MARCO: variants seen among roughly 807,000 people sequenced by gnomAD.
MARCO encodes macrophage receptor MARCO.
Under a neutral mutation model 70.0 loss-of-function variants are expected in MARCO, and 72 were observed. The observed-to-expected ratio is 1.03, with a 90% CI of 0.85 to 1.25. MARCO has a LOEUF of 1.25. Among genes scored for constraint, MARCO ranks in the 50% most tolerant of loss-of-function variants. MARCO has a pLI of 0.00. For synonymous variants in MARCO, 273 were observed against 243.1 expected (o/e 1.12, Z -1.14); for missense variants, 696 against 659.3 (o/e 1.06, Z -0.61).
intron 1 of MARCO, among the ~76,000 whole-genome samples, chr2:118,968,367 A>G (rs1680095814): frequency 6.6e-6 from 1 of 152,244 alleles, no homozygotes; most frequent in Non-Finnish European, 1.5e-5. Context: ...ATCTCTCTCT[A>G]CAAAGAAAAC....
intron 1 of MARCO, among the ~76,000 whole-genome samples, chr2:118,953,399 A>C (rs1679765509): frequency 6.6e-6 from 1 of 152,230 alleles, no homozygotes; most frequent in Non-Finnish European, 1.5e-5. Context: ...TACTTTCTAC[A>C]TTTGGTGTGA....
chr2:118,947,143 A>G (rs760082098), intron 1 of MARCO, among the ~76,000 whole-genome samples: 3 of 152,172 alleles, frequency 2.0e-5, no homozygotes, highest in Non-Finnish European at 4.4e-5. Flanking sequence ...AGCATCTTTT[A>G]CAATGCAAAA....
intron 1 of MARCO, among the ~76,000 whole-genome samples, chr2:118,955,808 C>T (rs1679825957): frequency 6.6e-6 from 1 of 152,156 alleles, no homozygotes; most frequent in Non-Finnish European, 1.5e-5. Flanking sequence ...TCTGCCTCCT[C>T]AAGCAAAACA....
chr2:118,970,458 C>A, intron 3 of MARCO, 120 bp downstream of exon 3: 1 of 726,454 alleles, frequency 1.4e-6, no homozygotes, highest in South Asian at 1.7e-5. Flanking sequence ...GAGCCAGGGA[C>A]TTAGAGCAAC....
intron 3 of MARCO, among the ~76,000 whole-genome samples, chr2:118,971,236 T>C (rs187874075): frequency 6.6e-6 from 1 of 152,228 alleles, no homozygotes; most frequent in East Asian, 1.9e-4. Flanking sequence ...AGCAACCTCC[T>C]TTCCCCACCT....
intron 10 of MARCO, 34 bp from the exon 11 acceptor site, chr2:118,982,122 C>G (rs764257944): frequency 6.5e-7 from 1 of 1,538,308 alleles, no homozygotes; most frequent in Non-Finnish European, 8.9e-7. Context: ...CTCTGCCAAC[C>G]ACCACAGCCT....
intron 1 of MARCO, among the ~76,000 whole-genome samples, chr2:118,962,704 T>C (rs1050240924): frequency 6.6e-6 from 1 of 152,136 alleles, no homozygotes; most frequent in Non-Finnish European, 1.5e-5. Context: ...TCTTTAAATG[T>C]TTATTACGAT....
chr2:118,970,730 GCCAAGGGTTAAAACC>G (rs149435813), intron 3 of MARCO, among the ~76,000 whole-genome samples: 197 of 152,324 alleles, frequency 1.3e-3, no homozygotes, highest in African/African-American at 4.6e-3. Context: ...GGAAAATTGA[GCCAAGGGTTAAAACC>G]CCAAGGGTGC....
intron 12 of MARCO, among the ~76,000 whole-genome samples, chr2:118,986,637 GA>G (rs1558671527): frequency 2.3e-4 from 9 of 39,758 alleles, no homozygotes; most frequent in Admixed American, 7.6e-4. Context: ...AAGAAAGAAA[GA>G]AAGAAAGAAA....
At chr2:118,953,408 G>C (rs565111614) in intron 1 of MARCO, among the ~76,000 whole-genome samples, 1 of 152,214 alleles carries the variant, frequency 6.6e-6, no homozygotes, top group Admixed American at 6.5e-5. Flanking sequence ...CATTTGGTGT[G>C]ATTGTCAGTT....
intron 1 of MARCO, among the ~76,000 whole-genome samples, 177 bp downstream of exon 1, chr2:118,942,574 A>G (rs1378841199): frequency 6.6e-6 from 1 of 152,226 alleles, no homozygotes; most frequent in Non-Finnish European, 1.5e-5. Context: ...AATGCTAATA[A>G]TAGATGCTGT....
rs1373048571 is a variant in MARCO, at chr2:118,986,718, AAAGAAAAG to A, written c.1064-3868_1064-3861del. On this transcript the variant is annotated intron_variant, in intron 12 of 16. Coordinates refer to ENST00000327097, the MANE Select transcript of MARCO (RefSeq NM_006770.4). The stretch of plus-strand genomic sequence containing the variant: ...GAAAGAAAGAAAGAAAGAAAGAAAG[AAAGAAAAG>A]AAAGAAAGAAAGAGAAAGAAAGAGA... Among the ~76,000 whole-genome samples the A allele has an allele frequency of 4.3e-5, 5 of 117,450 alleles. 1 individual carries two copies. The highest frequency in any genetic ancestry group is 1.6e-4 in the Admixed American group (2 of 12,804). 77.1% of individuals were successfully genotyped at this position (117,450 alleles called of 152,430 possible).
chr2:118,960,299 T>C (rs758645483), intron 1 of MARCO, among the ~76,000 whole-genome samples: 1 of 152,122 alleles, frequency 6.6e-6, no homozygotes, highest in Non-Finnish European at 1.5e-5. Context: ...AGTGCTATGT[T>C]GAATAAGAAG....
intron 12 of MARCO, among the ~76,000 whole-genome samples, chr2:118,989,234 A>T (rs1311618558): frequency 6.6e-6 from 1 of 152,214 alleles, no homozygotes; most frequent in South Asian, 2.1e-4. Flanking sequence ...GAGGCATTCT[A>T]TTCAGAGGGA....
chr2:118,961,811 G>A (rs1479213933), intron 1 of MARCO, among the ~76,000 whole-genome samples: 1 of 152,104 alleles, frequency 6.6e-6, no homozygotes, highest in Non-Finnish European at 1.5e-5. Context: ...TGTCCTGAAT[G>A]GTATTGCCTA....
chr2:118,948,013 T>A (rs964076211), intron 1 of MARCO, among the ~76,000 whole-genome samples: 2 of 152,180 alleles, frequency 1.3e-5, no homozygotes, highest in African/African-American at 2.4e-5. Context: ...ACTAAATTTT[T>A]AAAAAAATTT....
intron 16 of MARCO, 91 bp from the exon 17 acceptor site, chr2:118,994,296 C>G (rs1680680346): frequency 6.9e-7 from 1 of 1,438,932 alleles, no homozygotes; most frequent in Non-Finnish European, 9.7e-7. Context: ...CAGTCCACCT[C>G]AGATGGAAGC....
intron 1 of MARCO, among the ~76,000 whole-genome samples, chr2:118,961,541 C>A (rs1679946043): frequency 6.6e-6 from 1 of 152,004 alleles, no homozygotes; most frequent in Admixed American, 6.6e-5. Context: ...CTGTTCATGT[C>A]CCTTATTCAC....
chr2:118,981,684 T>C (rs754570230), intron 10 of MARCO, 28 bp downstream of exon 10: 9 of 1,609,014 alleles, frequency 5.6e-6, no homozygotes, highest in Non-Finnish European at 6.8e-6. Flanking sequence ...CTGGGCATCA[T>C]CCCAGCTACG....
Sources: gnomAD v4.1 joint callset for allele counts (sites outside exome capture counted in the v4.1 genomes callset) on GRCh38, gnomAD v4.1.1 for gene constraint, MANE v1.5 for transcripts, NCBI Gene and HGNC (gene_info 2026-07-23, HGNC 2026-07-21) for gene names.